The following GLIS3 variants were observed in gnomAD, a reference collection of about 807,000 sequenced individuals.
GLIS3 encodes the protein GLIS family zinc finger 3.
Under a neutral mutation model 78.6 loss-of-function variants are expected in GLIS3, and 53 were observed. That is an observed-to-expected ratio of 0.67 (90% CI 0.54 to 0.85). GLIS3 has a LOEUF of 0.85. Ranked by LOEUF, GLIS3 falls within the 40% of genes least tolerant of loss-of-function variation. The pLI is 0.00. For synonymous variants in GLIS3, 684 were observed against 509.9 expected (o/e 1.34, Z -4.60); for missense variants, 1,703 against 1,231.1 (o/e 1.38, Z -5.74).
At chr9:4,047,860 T>C (rs376565880) in intron 4 of GLIS3, among the ~76,000 whole-genome samples, 86 of 152,294 alleles carry the variant, frequency 5.6e-4, no homozygotes, top group African/African-American at 1.9e-3. Flanking sequence ...AGGAAAATAA[T>C]TGCAATTAGT....
chr9:3,988,980 T>C (rs959648125), intron 4 of GLIS3, among the ~76,000 whole-genome samples: 1 of 152,056 alleles, frequency 6.6e-6, no homozygotes, highest in African/African-American at 2.4e-5. Flanking sequence ...ACAGAGAGAC[T>C]GGGGAAAACA....
Position 4,239,386 on chromosome 9 carries a change from G to C in GLIS3, c.388+46652C>G, listed in dbSNP as rs1442898426. On this transcript the variant is annotated intron_variant, in intron 2 of 10. Coordinates refer to ENST00000381971, the MANE Select transcript of GLIS3 (RefSeq NM_001042413.2). ...TTCACGACTTTTTTTTTTTCTCTGC[G>C]ATGAGGAAGATGAAGTTGTTAGACT... Among the ~76,000 whole-genome samples the C allele has an allele frequency of 2.0e-5, 3 of 149,632 alleles. No individual in the cohort carries two copies. In the East Asian group the frequency reaches 5.8e-4, roughly 29 times the overall value.
chr9:4,376,247 G>A, the GLIS3 span, among the ~76,000 whole-genome samples: 2 of 152,154 alleles, frequency 1.3e-5, no homozygotes, highest in African/African-American at 4.8e-5. Flanking sequence ...AAGGAAACAG[G>A]TTGGTGGGGA....
At chr9:3,899,969 G>T (rs1823162796) in intron 6 of GLIS3, among the ~76,000 whole-genome samples, 1 of 152,114 alleles carries the variant, frequency 6.6e-6, no homozygotes, top group Non-Finnish European at 1.5e-5. Flanking sequence ...CTTGAAGATG[G>T]CATTTATAAA....
chr9:4,389,652 A>G, the GLIS3 span, among the ~76,000 whole-genome samples: 1 of 152,194 alleles, frequency 6.6e-6, no homozygotes, highest in African/African-American at 2.4e-5. Flanking sequence ...ACTTCTGCCC[A>G]AGACAATCAC....
intron 4 of GLIS3, among the ~76,000 whole-genome samples, chr9:4,048,994 C>G (rs1825485113): frequency 6.6e-6 from 1 of 152,154 alleles, no homozygotes; most frequent in African/African-American, 2.4e-5. Context: ...GTCAGCAGAC[C>G]TCAATCTGGA....
intron 9 of GLIS3, among the ~76,000 whole-genome samples, chr9:3,838,818 G>T (rs148165741): frequency 6.6e-6 from 1 of 152,102 alleles, no homozygotes; most frequent in Non-Finnish European, 1.5e-5. Context: ...TCCAACACTC[G>T]GGATATTTGT....
intron 2 of GLIS3, among the ~76,000 whole-genome samples, chr9:4,188,336 G>T (rs200766666): frequency 6.7e-6 from 1 of 148,292 alleles, no homozygotes; most frequent in East Asian, 2.0e-4. Flanking sequence ...TTGCATCCCA[G>T]GGATGAAGCC....
At position 4,148,587 on chromosome 9, in the gene GLIS3, A is replaced by C. The variant is rs190034156; in HGVS notation, c.389-22646T>G. Among the ~76,000 whole-genome samples, 60 of 151,994 alleles carry C rather than the reference A, an allele frequency of 3.9e-4. No homozygotes were observed. In the East Asian group the frequency reaches 0.011, roughly 27 times the overall value. On this transcript the variant is annotated intron_variant, in intron 2 of 10. Transcript: ENST00000381971. ...CCCCTAAACTGGCAGGCCCATGAGGACAGGGACTGTACCTAATCCACCTGG... is the reference window on the plus strand; with the variant it reads ...CCCCTAAACTGGCAGGCCCATGAGGCCAGGGACTGTACCTAATCCACCTGG...
At chr9:4,469,645 G>C in the GLIS3 span, among the ~76,000 whole-genome samples, 2 of 152,138 alleles carry the variant, frequency 1.3e-5, no homozygotes, top group Non-Finnish European at 2.9e-5. Flanking sequence ...CAGTGTTAGA[G>C]GGAAATTTAT....
the GLIS3 span, among the ~76,000 whole-genome samples, chr9:4,365,156 C>G: frequency 3.9e-5 from 6 of 152,090 alleles, no homozygotes; most frequent in African/African-American, 1.4e-4. Context: ...CACAGACATA[C>G]TGCGAAGTGT....
At chr9:4,054,238 A>C in intron 4 of GLIS3, 1 of 650,734 alleles carries the variant, frequency 1.5e-6, no homozygotes, top group Non-Finnish European at 1.9e-6. Context: ...CTGTGAGGGC[A>C]GAGATCTCAT....
the GLIS3 span, among the ~76,000 whole-genome samples, chr9:4,486,545 G>T: frequency 0.025 from 3,858 of 152,202 alleles, 177 homozygotes; most frequent in African/African-American, 0.088. Flanking sequence ...TAAACTTCTG[G>T]ACCTCATTGG....
chr9:4,342,902 T>C (rs1270316556), intron 2 of GLIS3, among the ~76,000 whole-genome samples: 4 of 152,234 alleles, frequency 2.6e-5, no homozygotes. Context: ...AGCTTGGGCA[T>C]TTTTGATTAT....
At chr9:4,434,947 C>G in the GLIS3 span, among the ~76,000 whole-genome samples, 3 of 152,142 alleles carry the variant, frequency 2.0e-5, no homozygotes, top group African/African-American at 4.8e-5. Context: ...ACTGGAGAAT[C>G]AAGAGTTATA....
the GLIS3 span, among the ~76,000 whole-genome samples, chr9:4,428,912 C>T: frequency 6.6e-6 from 1 of 152,242 alleles, no homozygotes; most frequent in South Asian, 2.1e-4. Flanking sequence ...TCCCTGACAC[C>T]CCCATACCAA....
intron 2 of GLIS3, among the ~76,000 whole-genome samples, chr9:4,190,303 A>G (rs549192596): frequency 1.5e-4 from 23 of 152,308 alleles, no homozygotes; most frequent in Admixed American, 7.2e-4. Context: ...AGACGAATGT[A>G]TAACTAGAAT....
In GLIS3 at chr9:3,910,459, C is replaced by G. The variant is rs11999976; in HGVS notation, c.1984-11624G>C. ...CAATTTCCTGGGTTTGAGCAATCCT[C>G]TTGCTTCAGCCTCCTAAGTAGCTGA... On this transcript the variant is annotated intron_variant, in intron 6 of 10. Transcript: ENST00000381971. Among the ~76,000 whole-genome samples the G allele has an allele frequency of 3.1e-3, 472 of 152,358 alleles. 1 individual carries two copies. Among genetic ancestry groups the G allele is most frequent in the African/African-American group, 0.011 (439 of 41,596 alleles).
intron 2 of GLIS3, among the ~76,000 whole-genome samples, chr9:4,177,835 A>T (rs775791033): frequency 2.6e-5 from 4 of 152,214 alleles, no homozygotes; most frequent in Non-Finnish European, 4.4e-5. Flanking sequence ...AAGCTATGCG[A>T]CAGAAAGATA....
Sources: allele counts gnomAD v4.1 joint callset (sites outside exome capture counted in the v4.1 genomes callset), GRCh38; gene constraint gnomAD v4.1.1; transcripts MANE v1.5; gene names NCBI Gene and HGNC (gene_info 2026-07-23, HGNC 2026-07-21).